The following ST3GAL3 variants were observed in gnomAD, a reference collection of about 807,000 sequenced individuals.
ST3GAL3 encodes the protein CMP-N-acetylneuraminate-beta-1,4-galactoside alpha-2,3-sialyltransferase.
A neutral mutation model predicts 50.1 loss-of-function variants in ST3GAL3; 21 were observed. That is an observed-to-expected ratio of 0.42 (90% confidence interval 0.30 to 0.60). ST3GAL3 has a LOEUF of 0.60. Among genes scored for constraint, ST3GAL3 ranks in the 20% least tolerant of loss-of-function variants. ST3GAL3 has a pLI of 0.19. For synonymous variants in ST3GAL3, 183 were observed against 190.0 expected, an observed-to-expected ratio of 0.96 and a Z score of 0.30; for missense variants, 353 against 489.4, an observed-to-expected ratio of 0.72 and a Z score of 2.63.
chr1:43,877,415 G>A (rs189802853), intron 5 of ST3GAL3, among the ~76,000 whole-genome samples: 159 of 151,680 alleles, frequency 1.0e-3, no homozygotes, highest in African/African-American at 3.7e-3. Flanking sequence ...ACACACAGAG[G>A]CCACATTCAG....
At chr1:43,846,666 T>G (rs1347337202) in intron 5 of ST3GAL3, among the ~76,000 whole-genome samples, 2 of 152,178 alleles carry the variant, frequency 1.3e-5, no homozygotes, top group Non-Finnish European at 2.9e-5. Context: ...ACCCAGCTAA[T>G]TTTTGTATTT....
chr1:43,734,886 G>A (rs1333808313), intron 1 of ST3GAL3, among the ~76,000 whole-genome samples: 1 of 152,026 alleles, frequency 6.6e-6, no homozygotes, highest in East Asian at 1.9e-4. Context: ...GCCTGACCCA[G>A]GGCAGTCTTC....
At chr1:43,866,961 C>T (rs946581232) in intron 5 of ST3GAL3, among the ~76,000 whole-genome samples, 2 of 152,178 alleles carry the variant, frequency 1.3e-5, no homozygotes, top group African/African-American at 4.8e-5. Flanking sequence ...GAAACCCCGT[C>T]TCTACTAAAA....
intron 2 of ST3GAL3, among the ~76,000 whole-genome samples, chr1:43,754,325 T>C (rs1374547822): frequency 6.6e-6 from 1 of 152,144 alleles, no homozygotes; most frequent in Admixed American, 6.5e-5. Context: ...CCCGAGTAGC[T>C]GAGATTGCAG....
chr1:43,788,798 G>A (rs1159530560), intron 2 of ST3GAL3, among the ~76,000 whole-genome samples: 1 of 152,146 alleles, frequency 6.6e-6, no homozygotes, highest in African/African-American at 2.4e-5. Flanking sequence ...AAGAAGAAAA[G>A]CAAACAAGGA....
chr1:43,771,846 T>C (rs1467498695), intron 2 of ST3GAL3: 2 of 397,862 alleles, frequency 5.0e-6, no homozygotes, highest in Non-Finnish European at 8.9e-6. Flanking sequence ...AAAATAACTT[T>C]CTTAGACAAA....
At chr1:43,864,376 A>G (rs2906463) in intron 5 of ST3GAL3, among the ~76,000 whole-genome samples, 130,260 of 152,180 alleles carry the variant, frequency 0.86, 55,975 homozygotes, top group East Asian at 0.91. Context: ...AAGGGCCCCT[A>G]ACCAAACTGC....
intron 2 of ST3GAL3, among the ~76,000 whole-genome samples, chr1:43,783,501 C>T (rs1366378668): frequency 6.6e-6 from 1 of 152,234 alleles, no homozygotes; most frequent in Non-Finnish European, 1.5e-5. Context: ...ACACTCATCT[C>T]CCAGTTTCAG....
At chr1:43,741,080 A>T (rs1209022577) in intron 2 of ST3GAL3, among the ~76,000 whole-genome samples, 1 of 152,166 alleles carries the variant, frequency 6.6e-6, no homozygotes, top group Non-Finnish European at 1.5e-5. Flanking sequence ...TAATCTCAGC[A>T]CTTTTGGAGG....
At chr1:43,803,629 A>G (rs2059562868) in intron 3 of ST3GAL3, among the ~76,000 whole-genome samples, 1 of 152,258 alleles carries the variant, frequency 6.6e-6, no homozygotes, top group African/African-American at 2.4e-5. Context: ...CCTTTTGTTT[A>G]TGTCCAGTTT....
At chr1:43,901,307 A>T (rs2154272903) in intron 9 of ST3GAL3, among the ~76,000 whole-genome samples, 1 of 152,250 alleles carries the variant, frequency 6.6e-6, no homozygotes, top group Non-Finnish European at 1.5e-5. Context: ...GCTTGATCCC[A>T]TTGGTTTTTA....
intron 5 of ST3GAL3, among the ~76,000 whole-genome samples, chr1:43,848,137 C>T (rs1025040207): frequency 3.3e-5 from 5 of 152,128 alleles, no homozygotes; most frequent in African/African-American, 4.8e-5. Context: ...ATATGTAACT[C>T]TATTTACTTG....
intron 1 of ST3GAL3, among the ~76,000 whole-genome samples, chr1:43,708,973 A>G (rs1050125463): frequency 3.3e-5 from 5 of 152,242 alleles, no homozygotes; most frequent in African/African-American, 9.6e-5. Context: ...AAGCACACAC[A>G]TGACAATGAT....
intron 5 of ST3GAL3, among the ~76,000 whole-genome samples, chr1:43,849,901 C>T (rs2154211792): frequency 6.6e-6 from 1 of 152,294 alleles, no homozygotes; most frequent in East Asian, 1.9e-4. Flanking sequence ...AAGCTGTGGA[C>T]AGGAGCATTT....
intron 5 of ST3GAL3, among the ~76,000 whole-genome samples, chr1:43,845,953 T>C (rs1574128185): frequency 6.6e-6 from 1 of 152,216 alleles, no homozygotes; most frequent in African/African-American, 2.4e-5. Flanking sequence ...GTTCCAGATA[T>C]CTTTGTGTTA....
chr1:43,734,278 CTCTT>C (rs1369298616), intron 1 of ST3GAL3, among the ~76,000 whole-genome samples: 1 of 139,778 alleles, frequency 7.2e-6, no homozygotes, highest in African/African-American at 2.6e-5. Context: ...TTTCTTTCTT[CTCTT>C]TCTTTCTTCT....
At chr1:43,886,689 G>A (rs967261195) in intron 5 of ST3GAL3, among the ~76,000 whole-genome samples, 1 of 152,200 alleles carries the variant, frequency 6.6e-6, no homozygotes, top group Non-Finnish European at 1.5e-5. Flanking sequence ...TAGTCCCAGA[G>A]GAGTAAAATC....
intron 4 of ST3GAL3, among the ~76,000 whole-genome samples, chr1:43,825,175 A>G (rs2062625940): frequency 6.6e-6 from 1 of 152,238 alleles, no homozygotes; most frequent in South Asian, 2.1e-4. Flanking sequence ...CAGGCCTGTC[A>G]CTATATCATA....
In ST3GAL3 at chr1:43,877,052, G is replaced by A. The variant is rs537352278; in HGVS notation, c.303-17331G>A. ...TGGGACAGTTCTCCCTATGCATCTC[G>A]ACAATAGTCTGTGACAGGTTTCTAT... On this transcript the variant is annotated intron_variant, in intron 5 of 11. Coordinates refer to ENST00000347631, the MANE Select transcript of ST3GAL3 (RefSeq NM_006279.5). Among the ~76,000 whole-genome samples, 30 of 152,268 alleles carry A rather than the reference G, an allele frequency of 2.0e-4. No homozygotes were observed. In the South Asian group the frequency reaches 5.4e-3, roughly 27 times the overall value.
Sources: gnomAD v4.1 joint callset for allele counts (sites outside exome capture counted in the v4.1 genomes callset) on GRCh38, gnomAD v4.1.1 for gene constraint, MANE v1.5 for transcripts, NCBI Gene and HGNC (gene_info 2026-07-23, HGNC 2026-07-21) for gene names.